COL5A2: variants seen among roughly 807,000 people sequenced by gnomAD.
COL5A2 encodes collagen alpha-2(V) chain.
Under a neutral mutation model 208.2 loss-of-function variants are expected in COL5A2, and 23 were observed. The ratio of observed to expected loss-of-function variants is 0.11; its 90% CI spans 0.08 to 0.16. The LOEUF is 0.16. Ranked by LOEUF, COL5A2 falls within the 10% of genes least tolerant of loss-of-function variation. The pLI is 1.00. For synonymous variants in COL5A2, 625 were observed against 628.5 expected, an observed-to-expected ratio of 0.99 and a Z score of 0.08; for missense variants, 1,590 against 1,956.4, an observed-to-expected ratio of 0.81 and a Z score of 3.53.
chr2:189,176,501 C>G (rs59872509), intron 1 of COL5A2, among the ~76,000 whole-genome samples: 4,543 of 152,186 alleles, frequency 0.03, 78 homozygotes, highest in Admixed American at 0.046. Flanking sequence ...TTGCTTATCC[C>G]ATGTTGAATA....
chr2:189,287,378 A>T, the COL5A2 span, among the ~76,000 whole-genome samples: 2 of 152,060 alleles, frequency 1.3e-5, no homozygotes, highest in Non-Finnish European at 2.9e-5. Flanking sequence ...AGATATGGGC[A>T]TGGAAGTGGC....
chr2:189,158,981 C>A (rs575868453), intron 1 of COL5A2, among the ~76,000 whole-genome samples: 64 of 152,208 alleles, frequency 4.2e-4, no homozygotes, highest in African/African-American at 1.5e-3. Context: ...ATTTGGTGCA[C>A]CGAAGTCACA....
At chr2:189,308,243 G>A in the COL5A2 span, among the ~76,000 whole-genome samples, 11 of 133,072 alleles carry the variant, frequency 8.3e-5, no homozygotes, top group East Asian at 2.2e-4. Flanking sequence ...AAAATAAACC[G>A]GTTCAGGCCA....
At chr2:189,111,218 A>G (rs1687253022) in intron 1 of COL5A2, among the ~76,000 whole-genome samples, 1 of 147,510 alleles carries the variant, frequency 6.8e-6, no homozygotes, top group African/African-American at 2.5e-5. Context: ...TTGGGAAAAT[A>G]CACACACATA....
At chr2:189,262,613 C>T in the COL5A2 span, among the ~76,000 whole-genome samples, 1 of 152,028 alleles carries the variant, frequency 6.6e-6, no homozygotes, top group African/African-American at 2.4e-5. Flanking sequence ...CATTCTTGTA[C>T]TATCATGAAA....
intron 1 of COL5A2, among the ~76,000 whole-genome samples, chr2:189,211,838 T>C (rs1025900353): frequency 1.3e-5 from 2 of 152,182 alleles, no homozygotes; most frequent in Non-Finnish European, 2.9e-5. Flanking sequence ...CAAAAACTCA[T>C]GGACAACATT....
At chr2:189,056,544 C>A (rs1685905367) in intron 35 of COL5A2, among the ~76,000 whole-genome samples, 1 of 152,068 alleles carries the variant, frequency 6.6e-6, no homozygotes, top group Non-Finnish European at 1.5e-5. Context: ...ATTCACTGTG[C>A]AGTAAATTTC....
At chr2:189,050,799 C>G (rs1685769521) in intron 42 of COL5A2, 123 bp from the exon 43 acceptor site, 2 of 763,932 alleles carry the variant, frequency 2.6e-6, no homozygotes, top group Non-Finnish European at 4.4e-6. Context: ...CTCTGTTTCT[C>G]AAAATCATAC....
At chr2:189,178,966 G>T (rs955057362) in intron 1 of COL5A2, among the ~76,000 whole-genome samples, 1 of 152,082 alleles carries the variant, frequency 6.6e-6, no homozygotes, top group African/African-American at 2.4e-5. Flanking sequence ...TTTCACAAAT[G>T]AAAATGGTAA....
chr2:189,282,914 T>C, the COL5A2 span, among the ~76,000 whole-genome samples: 2 of 152,146 alleles, frequency 1.3e-5, no homozygotes, highest in Non-Finnish European at 2.9e-5. Flanking sequence ...ATATTTACTA[T>C]AGGTGCTAAA....
chr2:189,132,307 G>A (rs529990693), intron 1 of COL5A2, among the ~76,000 whole-genome samples: 2 of 152,262 alleles, frequency 1.3e-5, no homozygotes, highest in Admixed American at 1.3e-4. Context: ...AAGAAAAAAG[G>A]GAACTTGTTT....
At chr2:189,314,141 A>T in the COL5A2 span, among the ~76,000 whole-genome samples, 1 of 152,206 alleles carries the variant, frequency 6.6e-6, no homozygotes, top group Non-Finnish European at 1.5e-5. Flanking sequence ...CAAAATATAC[A>T]TTATTCTCAT....
rs151082042 is a variant in COL5A2 at position 189,136,442 on chromosome 2, G to C, written c.98-25993C>G. ...AGATATTTTCTTTTACACAGGTGTG[G>C]TTACACAGGTTAACTAGGAGGTAGT... On this transcript the variant is annotated intron_variant, in intron 1 of 53. Transcript: ENST00000374866. Among the ~76,000 whole-genome samples the C allele has an allele frequency of 2.1e-3, 310 of 149,908 alleles. 2 individuals are homozygous for C. The highest frequency in any genetic ancestry group is 7.3e-3 in the African/African-American group (299 of 41,096).
chr2:189,188,996 T>G (rs1483698453), intron 1 of COL5A2, among the ~76,000 whole-genome samples: 2 of 152,224 alleles, frequency 1.3e-5, no homozygotes, highest in Non-Finnish European at 1.5e-5. Context: ...AATTCTGTTT[T>G]GCAGATTTAT....
chr2:189,257,586 A>G, the COL5A2 span, among the ~76,000 whole-genome samples: 1 of 152,234 alleles, frequency 6.6e-6, no homozygotes, highest in Non-Finnish European at 1.5e-5. Context: ...CACAGGTGTA[A>G]CAACAAATGT....
In COL5A2 at chr2:189,033,102, G is replaced by T. The variant is rs749740981; in HGVS notation, c.*968C>A. ...TAATTCCAATCATCACATTTGATTA[G>T]AGTCAGCTCCACAACTCAGTTTCTA... On this transcript the variant is annotated 3_prime_UTR_variant, in exon 54 of 54. Coordinates refer to ENST00000374866, the MANE Select transcript of COL5A2 (RefSeq NM_000393.5). The T allele has an allele frequency of 6.6e-6, 1 of 152,588 alleles. No individual in the cohort carries two copies. The highest frequency in any genetic ancestry group is 2.4e-5 in the African/African-American group (1 of 41,440). 9.5% of individuals were successfully genotyped at this position (152,588 alleles called of 1,614,324 possible). A position where few individuals can be genotyped will look rare whatever the true frequency, so the allele number is the denominator to read the frequency against.
the COL5A2 span, among the ~76,000 whole-genome samples, chr2:189,346,804 G>A: frequency 2.7e-3 from 415 of 152,218 alleles, no homozygotes; most frequent in African/African-American, 9.4e-3. Context: ...ATAACAGGAG[G>A]AGGAGCCACC....
chr2:189,342,078 T>G, the COL5A2 span, among the ~76,000 whole-genome samples: 1 of 151,910 alleles, frequency 6.6e-6, no homozygotes, highest in Non-Finnish European at 1.5e-5. Context: ...CTATTTCTGT[T>G]TAGAATTTAT....
At chr2:189,187,631 C>T (rs1388002325) in intron 1 of COL5A2, among the ~76,000 whole-genome samples, 1 of 152,086 alleles carries the variant, frequency 6.6e-6, no homozygotes, top group African/African-American at 2.4e-5. Context: ...AAATAAGAAA[C>T]TGTTAGCGTT....
Sources: gnomAD v4.1 joint callset for allele counts (sites outside exome capture counted in the v4.1 genomes callset) on GRCh38, gnomAD v4.1.1 for gene constraint, MANE v1.5 for transcripts, NCBI Gene and HGNC (gene_info 2026-07-23, HGNC 2026-07-21) for gene names.